Variants in TOM1L2 observed in about 807,000 individuals in gnomAD.
TOM1L2 encodes the protein TOM1-like protein 2.
TOM1L2 carries 31 observed loss-of-function variants against 67.9 expected under a neutral mutation model. That is an observed-to-expected ratio of 0.46 (90% CI 0.34 to 0.62). TOM1L2 has a LOEUF of 0.62. Among genes scored for constraint, TOM1L2 ranks in the 20% least tolerant of loss-of-function variants. TOM1L2 has a pLI of 0.01. For synonymous variants in TOM1L2, 256 were observed against 254.0 expected (o/e 1.01, Z -0.07); for missense variants, 606 against 663.5 (o/e 0.91, Z 0.95).
intron 1 of TOM1L2, among the ~76,000 whole-genome samples, chr17:17,933,129 T>C (rs1054638846): frequency 4.6e-5 from 7 of 152,272 alleles, no homozygotes; most frequent in African/African-American, 1.4e-4. Context: ...AAGGATTCCA[T>C]AAAGGACCCA....
At chr17:17,922,454 A>T (rs1167592505) in intron 1 of TOM1L2, among the ~76,000 whole-genome samples, 2 of 152,186 alleles carry the variant, frequency 1.3e-5, no homozygotes, top group Admixed American at 1.3e-4. Context: ...TGGTAACAGC[A>T]TGGGGGCTGT....
At chr17:17,922,059 A>G (rs2039898555) in intron 1 of TOM1L2, among the ~76,000 whole-genome samples, 1 of 152,070 alleles carries the variant, frequency 6.6e-6, no homozygotes, top group African/African-American at 2.4e-5. Context: ...AAAAACTTCA[A>G]CTGTGAGGCC....
intron 1 of TOM1L2, among the ~76,000 whole-genome samples, chr17:17,959,283 C>T (rs1478680669): frequency 6.6e-6 from 1 of 152,134 alleles, no homozygotes; most frequent in African/African-American, 2.4e-5. Context: ...CTGGGGTCCG[C>T]ACCAGCTCCA....
In TOM1L2 at chr17:17,843,786, T is replaced by C. The variant is rs763013628; in HGVS notation, c.*3849A>G. ...AATCCTCACAATTAAGTGCAAACTT[T>C]AGGAAATAAATATCCGTCCCCCTCT... On this transcript the variant is annotated 3_prime_UTR_variant, in exon 15 of 15. Coordinates refer to ENST00000379504, the MANE Select transcript of TOM1L2 (RefSeq NM_001082968.2). 1.3e-5 allele frequency: 2 copies of C among 152,480 alleles called. No homozygotes were observed. Among genetic ancestry groups the C allele is most frequent in the Admixed American group, 6.5e-5 (1 of 15,288 alleles). The allele number at this position is 152,480 out of a possible 1,614,324, so 9.4% of individuals were successfully genotyped here. A position where few individuals can be genotyped will look rare whatever the true frequency, so the allele number is the denominator to read the frequency against.
intron 2 of TOM1L2, among the ~76,000 whole-genome samples, chr17:17,899,156 A>C (rs1009569061): frequency 1.3e-5 from 2 of 152,204 alleles, no homozygotes; most frequent in Non-Finnish European, 2.9e-5. Flanking sequence ...TATCACATGC[A>C]AGTATTATTT....
At chr17:17,885,149 C>T (rs760141683) in intron 4 of TOM1L2, among the ~76,000 whole-genome samples, 23 of 152,276 alleles carry the variant, frequency 1.5e-4, no homozygotes, top group Non-Finnish European at 2.8e-4. Flanking sequence ...GCCTTGTCAG[C>T]TCAGCAGGGT....
At position 17,888,321 on chromosome 17, in the gene TOM1L2, C is replaced by T. The variant is rs893346169; in HGVS notation, c.367-3553G>A. On this transcript the variant is annotated intron_variant, in intron 4 of 14. Coordinates refer to ENST00000379504, the MANE Select transcript of TOM1L2 (RefSeq NM_001082968.2). Reference sequence around the variant, plus strand: ...TCAGATCTCCTTCATTCCTTTGGACCGTATACAAAACCCCAGAATAAAACC... The same window carrying T: ...TCAGATCTCCTTCATTCCTTTGGACTGTATACAAAACCCCAGAATAAAACC... 3.9e-5 allele frequency among the ~76,000 whole-genome samples: 6 copies of T among 152,144 alleles called. No homozygotes were observed. The South Asian group carries it at 8.3e-4, about 21-fold the overall frequency.
At chr17:17,939,122 T>G (rs954041166) in intron 1 of TOM1L2, among the ~76,000 whole-genome samples, 1 of 152,242 alleles carries the variant, frequency 6.6e-6, no homozygotes, top group African/African-American at 2.4e-5. Flanking sequence ...TACCCATTAC[T>G]GAAGTATCTT....
intron 12 of TOM1L2, among the ~76,000 whole-genome samples, chr17:17,853,495 G>A (rs577837844): frequency 6.6e-6 from 1 of 152,324 alleles, no homozygotes; most frequent in Admixed American, 6.5e-5. Flanking sequence ...TAAATCTTGA[G>A]AGCCAACATG....
intron 1 of TOM1L2, among the ~76,000 whole-genome samples, chr17:17,941,180 G>A (rs1326879885): frequency 6.6e-6 from 1 of 152,130 alleles, no homozygotes; most frequent in African/African-American, 2.4e-5. Context: ...TTTGGGGAGG[G>A]GCTACTGGCC....
chr17:17,946,821 T>C (rs918746277), intron 1 of TOM1L2, among the ~76,000 whole-genome samples: 1 of 151,990 alleles, frequency 6.6e-6, no homozygotes, highest in Admixed American at 6.6e-5. Flanking sequence ...GCCTCCTGGG[T>C]TCAAGCCATT....
At chr17:17,922,293 G>A (rs1348500310) in intron 1 of TOM1L2, among the ~76,000 whole-genome samples, 3 of 152,192 alleles carry the variant, frequency 2.0e-5, no homozygotes, top group Admixed American at 6.5e-5. Context: ...AGCCTCCCAG[G>A]GCCAGGGCCT....
chr17:17,887,040 C>T (rs1340378052), intron 4 of TOM1L2, among the ~76,000 whole-genome samples: 5 of 152,216 alleles, frequency 3.3e-5, no homozygotes, highest in South Asian at 2.1e-4. Flanking sequence ...GAGGTGCAGG[C>T]GTACAGGAGA....
chr17:17,901,766 A>G (rs1488074395), intron 2 of TOM1L2, among the ~76,000 whole-genome samples: 1 of 152,226 alleles, frequency 6.6e-6, no homozygotes, highest in African/African-American at 2.4e-5. Flanking sequence ...ATGGCCATGT[A>G]AATGACCCAG....
intron 1 of TOM1L2, among the ~76,000 whole-genome samples, chr17:17,960,226 A>T (rs1389418631): frequency 6.6e-6 from 1 of 152,214 alleles, no homozygotes; most frequent in East Asian, 1.9e-4. Context: ...CACAAACAAT[A>T]CTAAGCTCTC....
chr17:17,888,969 G>A (rs986721222), intron 4 of TOM1L2, among the ~76,000 whole-genome samples: 1 of 152,210 alleles, frequency 6.6e-6, no homozygotes, highest in African/African-American at 2.4e-5. Context: ...GGTGCCCCTG[G>A]GGGTAGAAGT....
chr17:17,952,918 A>G (rs2041271845), intron 1 of TOM1L2, among the ~76,000 whole-genome samples: 1 of 152,156 alleles, frequency 6.6e-6, no homozygotes, highest in South Asian at 2.1e-4. Flanking sequence ...CTGCCCTGAC[A>G]GAACAGGAAG....
At chr17:17,861,607 G>A (rs2036564722) in intron 11 of TOM1L2, 56 bp from the exon 12 acceptor site, 3 of 1,503,314 alleles carry the variant, frequency 2.0e-6, no homozygotes, top group African/African-American at 2.7e-5. Flanking sequence ...GGTCATGGAG[G>A]GATGGGGTAG....
chr17:17,970,773 G>A (rs954814057), intron 1 of TOM1L2, among the ~76,000 whole-genome samples: 2 of 151,494 alleles, frequency 1.3e-5, no homozygotes, highest in African/African-American at 4.8e-5. Context: ...AGGCTGGAAA[G>A]TAAGCTAAAA....
Sources: gnomAD v4.1 joint callset for allele counts (sites outside exome capture counted in the v4.1 genomes callset) on GRCh38, gnomAD v4.1.1 for gene constraint, MANE v1.5 for transcripts, NCBI Gene and HGNC (gene_info 2026-07-23, HGNC 2026-07-21) for gene names.